MLH3: variants seen among roughly 807,000 people sequenced by gnomAD.
The protein encoded by MLH3 is DNA mismatch repair protein Mlh3.
In MLH3, 82 loss-of-function variants were observed where a neutral mutation model predicts 122.2. The ratio of observed to expected loss-of-function variants is 0.67; its 90% CI spans 0.56 to 0.81. MLH3 has a LOEUF of 0.81. Among genes scored for constraint, MLH3 ranks in the 30% least tolerant of loss-of-function variants. The pLI, the probability that MLH3 is intolerant of heterozygous loss-of-function variation, is 0.00. For missense variants in MLH3, 1,539 were observed against 1,714.5 expected (o/e 0.90, Z 1.81); for synonymous variants, 524 against 599.5 (o/e 0.87, Z 1.84).
At chr14:75,049,871 C>G (rs753630063) in intron 1 of MLH3, among the ~76,000 whole-genome samples, 153 bp from the exon 2 acceptor site, 11 of 152,206 alleles carry the variant, frequency 7.2e-5, no homozygotes, top group Non-Finnish European at 1.3e-4. Flanking sequence ...TCTCTAGGCA[C>G]AGCTCATGCT....
Position 75,048,886 on chromosome 14 carries a change from C to T in MLH3, c.770G>A (p.Arg257Lys), listed in dbSNP as rs1458734302. 6.2e-7 allele frequency: 1 copy of T among 1,613,700 alleles called. No homozygotes were observed. Among genetic ancestry groups the T allele is most frequent in the Non-Finnish European group, 8.5e-7 (1 of 1,179,886 alleles). The change falls in exon 2 of 13, where the codon AGA becomes AAA. Residue 257 changes from arginine (R) to lysine (K), a missense_variant. Physicochemically the swap from Arg to Lys is conservative, Grantham distance 26 (BLOSUM62 2). Transcript: ENST00000355774. ...KNMQFLFVNK[R>K]LVLRTKLHKL... ...ATGTAGCTTTGTCCTTAAAACTAGTCTTTTGTTCACAAACAAAAACTGCAT... is the reference window on the plus strand; with the variant it reads ...ATGTAGCTTTGTCCTTAAAACTAGTTTTTTGTTCACAAACAAAAACTGCAT...
At chr14:75,037,952 T>C (rs145208768) in intron 6 of MLH3, among the ~76,000 whole-genome samples, 282 of 152,120 alleles carry the variant, frequency 1.9e-3, no homozygotes, top group Non-Finnish European at 3.2e-3. Flanking sequence ...CAGGCTGGAG[T>C]GTAATAGCGC....
chr14:75,030,778 T>C (rs2139389995), intron 8 of MLH3, 76 bp from the exon 9 acceptor site: 1 of 1,272,988 alleles, frequency 7.9e-7, no homozygotes, highest in Non-Finnish European at 1.1e-6. Context: ...TTCCAAATAC[T>C]ACTTAATAGT....
In MLH3 at chr14:75,015,847, A is replaced by G. The variant is rs189021867; in HGVS notation, c.*1235T>C. Reference sequence around the variant, plus strand: ...CTGGCAAAGGAACTTTTCTTCCATGAGCACGAATTGGTTTCCTGTATTAAA... The same window carrying G: ...CTGGCAAAGGAACTTTTCTTCCATGGGCACGAATTGGTTTCCTGTATTAAA... On this transcript the variant is annotated 3_prime_UTR_variant, in exon 13 of 13. Coordinates refer to ENST00000355774, the MANE Select transcript of MLH3 (RefSeq NM_001040108.2). 1.9e-4 allele frequency: 44 copies of G among 225,692 alleles called. No individual in the cohort carries two copies. The Admixed American group carries it at 2.4e-3, about 12-fold the overall frequency. 14.0% of individuals were successfully genotyped at this position (225,692 alleles called of 1,614,324 possible).
In MLH3 at chr14:75,048,043, G is replaced by C. The variant is rs761939703; in HGVS notation, c.1613C>G (p.Ala538Gly). 6.2e-7 allele frequency: 1 copy of C among 1,613,814 alleles called. No individual in the cohort carries two copies. Among genetic ancestry groups the C allele is most frequent in the South Asian group, 1.1e-5 (1 of 90,986 alleles). ...WKESTTVNGM[A>G]ANILKNNRIQ... ...TCTATTATTTTTCAAGATGTTGGCA[G>C]CCATGCCATTAACAGTAGTACTTTC... The change falls in exon 2 of 13, where the codon GCT becomes GGT. Residue 538 changes from alanine to glycine, a missense_variant. Coordinates refer to ENST00000355774, the MANE Select transcript of MLH3 (RefSeq NM_001040108.2).
intron 11 of MLH3, chr14:75,019,231 G>A: frequency 2.3e-6 from 1 of 428,208 alleles, no homozygotes; most frequent in Non-Finnish European, 4.3e-6. Flanking sequence ...CCAATATGGT[G>A]AAATCCCGCC....
At chr14:75,044,964 A>G (rs927427987) in intron 2 of MLH3, among the ~76,000 whole-genome samples, 5 of 152,210 alleles carry the variant, frequency 3.3e-5, no homozygotes, top group East Asian at 3.8e-4. Context: ...TGCCAAAGCA[A>G]TATCACTTTA....
Position 75,039,759 on chromosome 14 carries a change from A to AACAC in MLH3, c.3570+148_3570+151dup, listed in dbSNP as rs34635307. 6.6e-3 allele frequency: 1,331 copies of AACAC among 203,174 alleles called. 25 individuals carry two copies. Among genetic ancestry groups the AACAC allele is most frequent in the African/African-American group, 0.032 (1,241 of 38,912 alleles). The allele number at this position is 203,174 out of a possible 1,614,324, so 12.6% of individuals were successfully genotyped here. On this transcript the variant is annotated intron_variant, in intron 5 of 12. Coordinates refer to ENST00000355774, the MANE Select transcript of MLH3 (RefSeq NM_001040108.2). ...TTCTGATGATAAAAGTTCTAGTAAG[A>AACAC]ACACACACACACACACACACACACA...
rs1383607570 is a variant in MLH3 at position 75,048,729 on chromosome 14, A to T, written c.927T>A (p.Asn309Lys). 2 of 1,614,032 alleles carry T rather than the reference A, an allele frequency of 1.2e-6. No individual in the cohort carries two copies. The highest frequency in any genetic ancestry group is 1.7e-5 in the Admixed American group (1 of 60,006). The change falls in exon 2 of 13, where the codon AAT (asparagine) becomes AAA (lysine). Residue 309 changes from asparagine (N) to lysine (K), a missense_variant. Physicochemically the swap from Asn to Lys is moderately conservative, Grantham distance 94. Coordinates refer to ENST00000355774, the MANE Select transcript of MLH3 (RefSeq NM_001040108.2). ...CATACTCACAGAATTGGCACTGCAC[A>T]TTAATTACATATATGCCATAGAGTT... ...TPELYGIYVI[N>K]VQCQFCEYDV...
rs1889840875 is a variant in MLH3 at position 75,015,565 on chromosome 14, T to C, written c.*1517A>G. 1 of 183,508 alleles carries C rather than the reference T, an allele frequency of 5.4e-6. No homozygotes were observed. Among genetic ancestry groups the C allele is most frequent in the East Asian group, 8.9e-5 (1 of 11,292 alleles). The allele number at this position is 183,508 out of a possible 1,614,324, so 11.4% of individuals were successfully genotyped here. ...ACACTGGGCCTGGAGGCAGAGCCCC[T>C]GACAGCCTGGCAAATCCTCTGAAAA... On this transcript the variant is annotated 3_prime_UTR_variant, in exon 13 of 13. Transcript: ENST00000355774.
At chr14:75,017,327 A>C (rs1422354833) in intron 12 of MLH3, 126 bp from the exon 13 acceptor site, 7 of 908,634 alleles carry the variant, frequency 7.7e-6, no homozygotes, top group Non-Finnish European at 1.2e-5. Context: ...TCACAAGGTC[A>C]GGAGTTTGAG....
intron 2 of MLH3, 69 bp downstream of exon 2, chr14:75,046,307 G>C: frequency 6.8e-7 from 1 of 1,474,622 alleles, no homozygotes; most frequent in Non-Finnish European, 9.5e-7. Context: ...TGGATAATGA[G>C]GATCTTACTC....
chr14:75,027,934 T>A (rs1890765947), intron 9 of MLH3, among the ~76,000 whole-genome samples: 1 of 151,800 alleles, frequency 6.6e-6, no homozygotes, highest in Non-Finnish European at 1.5e-5. Flanking sequence ...GAATTACTTT[T>A]AAACTTTGAT....
rs774682039 is a variant in MLH3, at chr14:75,049,035, T to TA, written c.620dup (p.Cys208MetfsTer22). ...CATAAATTTGACAAAATCGGGAACA[T>TA]ACGTCTTTGGTTTTAGGGAGCTGAA... is the stretch of plus-strand genomic sequence containing the variant. On this transcript the variant is annotated frameshift_variant, in exon 2 of 13. Coordinates refer to ENST00000355774, the MANE Select transcript of MLH3 (RefSeq NM_001040108.2). LOFTEE classifies it high-confidence loss of function. 11 of 1,614,024 alleles carry TA rather than the reference T, an allele frequency of 6.8e-6. No homozygotes were observed. Among genetic ancestry groups the TA allele is most frequent in the Non-Finnish European group, 9.3e-6 (11 of 1,180,034 alleles).
Position 75,025,260 on chromosome 14 carries a change from C to T in MLH3, c.3988-2242G>A, listed in dbSNP as rs1461566362. On this transcript the variant is annotated intron_variant, in intron 9 of 12. Coordinates refer to ENST00000355774, the MANE Select transcript of MLH3 (RefSeq NM_001040108.2). ...TGAAAGAGTTGTCTACTTAGCTTCA[C>T]TTCCTCCTGCTTCACGCACTCCTGA... is the stretch of plus-strand genomic sequence containing the variant. Among the ~76,000 whole-genome samples, 3 of 152,198 alleles carry T rather than the reference C, an allele frequency of 2.0e-5. No individual in the cohort carries two copies. The East Asian group carries it at 5.8e-4, about 29-fold the overall frequency.
chr14:75,032,065 G>A lies in MLH3; in HGVS notation c.3827+3C>T. 1 of 1,501,450 alleles carries A rather than the reference G, an allele frequency of 6.7e-7. No homozygotes were observed. Among genetic ancestry groups the A allele is most frequent in the Non-Finnish European group, 9.3e-7 (1 of 1,077,264 alleles). The allele number at this position is 1,501,450 out of a possible 1,614,324, so 93.0% of individuals were successfully genotyped here. Reference sequence around the variant, plus strand: ...AACATCACATTCTCATGGTGGTACTGACCATAAGAGTCTCCTTTGTTCCTC... The same window carrying A: ...AACATCACATTCTCATGGTGGTACTAACCATAAGAGTCTCCTTTGTTCCTC... On this transcript the variant is annotated splice_donor_region_variant and intron_variant, in intron 8 of 12. Transcript: ENST00000355774.
At position 75,015,851 on chromosome 14, in the gene MLH3, C is replaced by T. The variant is rs1889854817; in HGVS notation, c.*1231G>A. 1 of 225,408 alleles carries T rather than the reference C, an allele frequency of 4.4e-6. No homozygotes were observed. Among genetic ancestry groups the T allele is most frequent in the East Asian group, 6.4e-5 (1 of 15,610 alleles). 14.0% of individuals were successfully genotyped at this position (225,408 alleles called of 1,614,324 possible). A position where few individuals can be genotyped will look rare whatever the true frequency, so the allele number is the denominator to read the frequency against. ...CAAAGGAACTTTTCTTCCATGAGCA[C>T]GAATTGGTTTCCTGTATTAAAAAAT... is the stretch of plus-strand genomic sequence containing the variant. On this transcript the variant is annotated 3_prime_UTR_variant, in exon 13 of 13. Transcript: ENST00000355774.
chr14:75,041,721 T>A (rs2139497069), intron 3 of MLH3, 21 bp from the exon 4 acceptor site: 1 of 1,585,762 alleles, frequency 6.3e-7, no homozygotes, highest in Non-Finnish European at 8.7e-7. Context: ...AGGGAACAGG[T>A]AAAGTTGGCA....
At chr14:75,025,255 C>T (rs1890555682) in intron 9 of MLH3, among the ~76,000 whole-genome samples, 1 of 152,190 alleles carries the variant, frequency 6.6e-6, no homozygotes, top group Admixed American at 6.5e-5. Context: ...GTCTACTTAG[C>T]TTCACTTCCT....
Sources: gnomAD v4.1 joint callset for allele counts (sites outside exome capture counted in the v4.1 genomes callset) on GRCh38, gnomAD v4.1.1 for gene constraint, MANE v1.5 for transcripts, NCBI Gene and HGNC (gene_info 2026-07-23, HGNC 2026-07-21) for gene names.